The following ATRNL1 variants were observed in gnomAD, a reference collection of about 807,000 sequenced individuals.
The protein encoded by ATRNL1 is attractin like 1.
Under a neutral mutation model 182.7 loss-of-function variants are expected in ATRNL1, and 95 were observed. The observed-to-expected ratio is 0.52, with a 90% CI of 0.44 to 0.62. The LOEUF is 0.62. Among genes scored for constraint, ATRNL1 ranks in the 20% least tolerant of loss-of-function variants. ATRNL1 has a pLI of 0.00. For missense variants in ATRNL1, 1,471 were observed against 1,679.5 expected, an observed-to-expected ratio of 0.88 and a Z score of 2.17; for synonymous variants, 576 against 568.3, an observed-to-expected ratio of 1.01 and a Z score of -0.19.
At chr10:115,694,169 G>GAC (rs1946480085) in intron 26 of ATRNL1, among the ~76,000 whole-genome samples, 1 of 55,684 alleles carries the variant, frequency 1.8e-5, no homozygotes, top group Non-Finnish European at 4.1e-5. Context: ...AGTCTACACA[G>GAC]ACGCACACAC....
intron 8 of ATRNL1, among the ~76,000 whole-genome samples, chr10:115,190,090 T>C (rs1848110819): frequency 6.6e-6 from 1 of 152,138 alleles, no homozygotes; most frequent in Non-Finnish European, 1.5e-5. Context: ...TAGTAGGCTA[T>C]ACCATTTAGG....
intron 8 of ATRNL1, among the ~76,000 whole-genome samples, chr10:115,189,790 A>T (rs1464714477): frequency 6.6e-6 from 1 of 152,132 alleles, no homozygotes; most frequent in East Asian, 1.9e-4. Context: ...TACAGTGCTT[A>T]TAAATTCTAC....
At chr10:115,492,229 G>T (rs1243135310) in intron 24 of ATRNL1, among the ~76,000 whole-genome samples, 1 of 152,100 alleles carries the variant, frequency 6.6e-6, no homozygotes, top group African/African-American at 2.4e-5. Flanking sequence ...TTTTTAACAG[G>T]ATTTCTGAGG....
chr10:115,134,504 A>G (rs1177275439), intron 5 of ATRNL1, among the ~76,000 whole-genome samples: 6 of 152,212 alleles, frequency 3.9e-5, no homozygotes, highest in African/African-American at 1.2e-4. Flanking sequence ...GAATCTCTGA[A>G]TAGACCAAAA....
chr10:115,175,113 T>C (rs1847449371), intron 8 of ATRNL1, among the ~76,000 whole-genome samples: 1 of 152,004 alleles, frequency 6.6e-6, no homozygotes, highest in Admixed American at 6.6e-5. Flanking sequence ...ACCTTCAATG[T>C]TGGCCATTAA....
At chr10:115,404,659 A>T (rs950392703) in intron 20 of ATRNL1, among the ~76,000 whole-genome samples, 3 of 152,152 alleles carry the variant, frequency 2.0e-5, no homozygotes, top group Admixed American at 1.3e-4. Flanking sequence ...ATCTAGCTTG[A>T]CATCCTTAAT....
chr10:115,195,404 C>G (rs1848322904), intron 8 of ATRNL1, among the ~76,000 whole-genome samples: 1 of 151,836 alleles, frequency 6.6e-6, no homozygotes, highest in Non-Finnish European at 1.5e-5. Context: ...GTTTTCTTTC[C>G]TTCAGCACTT....
rs149740502 is a variant in ATRNL1 at position 115,123,579 on chromosome 10, G to C, written c.491+1767G>C. ...GGAAGAAGGCATAGGCTATCGCAGT[G>C]GCTTTAGACACCAACTACCTGCAGT... On this transcript the variant is annotated intron_variant, in intron 3 of 28. Coordinates refer to ENST00000355044, the MANE Select transcript of ATRNL1 (RefSeq NM_207303.4). Among the ~76,000 whole-genome samples, 23 of 152,192 alleles carry C rather than the reference G, an allele frequency of 1.5e-4. No homozygotes were observed. In the East Asian group the frequency reaches 4.1e-3, roughly 27 times the overall value.
chr10:115,587,616 C>T (rs1555010597), intron 26 of ATRNL1, among the ~76,000 whole-genome samples: 1 of 131,070 alleles, frequency 7.6e-6, no homozygotes, highest in Non-Finnish European at 1.7e-5. Flanking sequence ...CCCGCTTCGG[C>T]TCGCGCATGG....
chr10:115,599,664 T>TCAC (rs2133939102), intron 26 of ATRNL1, among the ~76,000 whole-genome samples: 1 of 152,210 alleles, frequency 6.6e-6, no homozygotes, highest in South Asian at 2.1e-4. Context: ...ACTGCAAACA[T>TCAC]CAGCACTGTG....
At chr10:115,195,583 T>C (rs1848329387) in intron 8 of ATRNL1, among the ~76,000 whole-genome samples, 1 of 152,120 alleles carries the variant, frequency 6.6e-6, no homozygotes, top group Non-Finnish European at 1.5e-5. Flanking sequence ...TTGAAGTAGG[T>C]ATATACTCAA....
intron 26 of ATRNL1, among the ~76,000 whole-genome samples, chr10:115,556,687 C>T (rs1361462841): frequency 2.0e-5 from 3 of 152,144 alleles, no homozygotes; most frequent in African/African-American, 7.2e-5. Flanking sequence ...CTGCATTTTA[C>T]CTAACAGACT....
At chr10:115,485,892 C>A (rs1322214840) in intron 24 of ATRNL1, among the ~76,000 whole-genome samples, 1 of 151,686 alleles carries the variant, frequency 6.6e-6, no homozygotes, top group Non-Finnish European at 1.5e-5. Context: ...ATCCCTACCA[C>A]AGCCCCCCAC....
intron 1 of ATRNL1, among the ~76,000 whole-genome samples, chr10:115,115,999 T>C (rs1844468113): frequency 6.6e-6 from 1 of 152,078 alleles, no homozygotes; most frequent in Non-Finnish European, 1.5e-5. Flanking sequence ...ACAAGGCATA[T>C]GGATATGTGG....
chr10:115,429,986 T>G (rs1565034640), intron 21 of ATRNL1, among the ~76,000 whole-genome samples: 2 of 152,056 alleles, frequency 1.3e-5, no homozygotes, highest in African/African-American at 2.4e-5. Context: ...TGGGAGAATG[T>G]CATGAACCCG....
chr10:115,096,048 T>C (rs1420965932), intron 1 of ATRNL1, among the ~76,000 whole-genome samples: 6 of 152,182 alleles, frequency 3.9e-5, no homozygotes. Flanking sequence ...AAGTTAAAAC[T>C]AGCTTAAATA....
chr10:115,165,012 G>A (rs1391222374), intron 6 of ATRNL1, among the ~76,000 whole-genome samples: 2 of 151,802 alleles, frequency 1.3e-5, no homozygotes, highest in African/African-American at 4.8e-5. Context: ...AAGTGTTTGA[G>A]GTAATAGATA....
At chr10:115,672,437 T>A (rs944814179) in intron 26 of ATRNL1, among the ~76,000 whole-genome samples, 3 of 152,154 alleles carry the variant, frequency 2.0e-5, no homozygotes, top group Non-Finnish European at 4.4e-5. Flanking sequence ...ATTCGATATT[T>A]ATAGTCTCAT....
intron 27 of ATRNL1, among the ~76,000 whole-genome samples, chr10:115,778,412 A>T (rs1386760084): frequency 1.3e-5 from 2 of 152,222 alleles, no homozygotes; most frequent in East Asian, 3.8e-4. Flanking sequence ...AATTCAGTGA[A>T]GAGTTTTCTT....
Sources: gnomAD v4.1 joint callset for allele counts (sites outside exome capture counted in the v4.1 genomes callset) on GRCh38, gnomAD v4.1.1 for gene constraint, MANE v1.5 for transcripts, NCBI Gene and HGNC (gene_info 2026-07-23, HGNC 2026-07-21) for gene names.